GPM6A: variants seen among roughly 807,000 people sequenced by gnomAD.
GPM6A encodes glycoprotein M6A.
GPM6A carries 7 observed loss-of-function variants against 32.1 expected under a neutral mutation model. The ratio of observed to expected loss-of-function variants is 0.22; its 90% CI spans 0.12 to 0.41. GPM6A has a LOEUF of 0.41. GPM6A is among the 10% of genes least tolerant of loss of function. The pLI is 1.00. For synonymous variants in GPM6A, 130 were observed against 123.4 expected (o/e 1.05, Z -0.35); for missense variants, 235 against 347.2 (o/e 0.68, Z 2.57).
At chr4:175,691,246 A>G (rs1303192648) in intron 2 of GPM6A, among the ~76,000 whole-genome samples, 2 of 151,544 alleles carry the variant, frequency 1.3e-5, no homozygotes, top group Non-Finnish European at 3.0e-5. Context: ...GAAGGATCAA[A>G]TAGAGAAATA....
chr4:175,936,562 T>C (rs1739242692), intron 1 of GPM6A, among the ~76,000 whole-genome samples: 1 of 152,008 alleles, frequency 6.6e-6, no homozygotes, highest in Admixed American at 6.6e-5. Context: ...TATGAATTCA[T>C]AAATAAATAA....
intron 1 of GPM6A, among the ~76,000 whole-genome samples, chr4:175,842,097 G>C (rs577243456): frequency 2.6e-5 from 4 of 152,154 alleles, no homozygotes; most frequent in African/African-American, 9.6e-5. Flanking sequence ...GTGTTGCATA[G>C]ATAAAACATT....
chr4:175,779,299 C>G (rs115197226), intron 1 of GPM6A, among the ~76,000 whole-genome samples: 3,074 of 152,250 alleles, frequency 0.02, 56 homozygotes, highest in Non-Finnish European at 0.031. Context: ...TTTTAAAACT[C>G]TCATGCACGC....
rs1243772120 is a variant in GPM6A at position 175,951,757 on chromosome 4, A to T, written c.-23+50552T>A. On this transcript the variant is annotated intron_variant, in intron 1 of 7. Transcript: ENST00000280187. ...TTATATTACCTGGGTAGTTAATGGT[A>T]TTGGTTAATGCGGAGCGTGTTTGTG... Among the ~76,000 whole-genome samples the T allele has an allele frequency of 2.0e-5, 3 of 152,328 alleles. No homozygotes were observed. In the East Asian group the frequency reaches 5.8e-4, roughly 29 times the overall value.
At chr4:175,852,506 G>A (rs1006861640) in intron 1 of GPM6A, among the ~76,000 whole-genome samples, 7 of 152,040 alleles carry the variant, frequency 4.6e-5, no homozygotes, top group Non-Finnish European at 1.0e-4. Flanking sequence ...ATTGGAGAGG[G>A]CAAAGAAAAA....
intron 1 of GPM6A, among the ~76,000 whole-genome samples, chr4:175,930,651 G>A (rs530544830): frequency 6.6e-6 from 1 of 151,946 alleles, no homozygotes; most frequent in East Asian, 1.9e-4. Context: ...AATTCTTAAG[G>A]ATAAAAGCTA....
At position 175,637,315 on chromosome 4, in the gene GPM6A, A is replaced by G. The variant is rs866720768; in HGVS notation, c.685-2258T>C. Among the ~76,000 whole-genome samples, 104 of 37,794 alleles carry G rather than the reference A, an allele frequency of 2.8e-3. 4 individuals are homozygous for G. In the Middle Eastern group the frequency reaches 0.052, roughly 19 times the overall value. 24.8% of individuals were successfully genotyped at this position (37,794 alleles called of 152,430 possible). A position where few individuals can be genotyped will look rare whatever the true frequency, so the allele number is the denominator to read the frequency against. ...ATATATATTATATATTATATATAATATAAAATATATATTATATATTATATA... is the reference window on the plus strand; with the variant it reads ...ATATATATTATATATTATATATAATGTAAAATATATATTATATATTATATA... On this transcript the variant is annotated intron_variant, in intron 6 of 6. Coordinates refer to ENST00000393658, the MANE Select transcript of GPM6A (RefSeq NM_201591.3).
intron 1 of GPM6A, among the ~76,000 whole-genome samples, chr4:175,793,489 G>C: frequency 6.6e-6 from 1 of 152,086 alleles, no homozygotes; most frequent in East Asian, 1.9e-4. Context: ...TGATTCTCCT[G>C]CCTCGGCCTC....
intron 1 of GPM6A, among the ~76,000 whole-genome samples, chr4:175,742,728 G>A (rs915357099): frequency 6.6e-6 from 1 of 152,134 alleles, no homozygotes; most frequent in Non-Finnish European, 1.5e-5. Context: ...GAGCAGAAGT[G>A]ATTTCGAAGA....
intron 2 of GPM6A, among the ~76,000 whole-genome samples, chr4:175,675,069 A>G (rs1743291077): frequency 6.6e-6 from 1 of 152,094 alleles, no homozygotes; most frequent in African/African-American, 2.4e-5. Flanking sequence ...ATTCAATAAC[A>G]TTAAGAACAA....
chr4:175,780,470 G>A (rs775807193), intron 1 of GPM6A, among the ~76,000 whole-genome samples: 9 of 152,232 alleles, frequency 5.9e-5, no homozygotes, highest in Non-Finnish European at 1.2e-4. Context: ...GCTTGGCACA[G>A]AGTAGACACT....
At chr4:175,812,550 G>A, upstream of GPM6A, 2 of 1,058,136 alleles carry the variant, frequency 1.9e-6, no homozygotes, top group Non-Finnish European at 2.3e-6. Context: ...AATTTTGGGG[G>A]GAAATTTGGT....
chr4:175,943,908 G>A (rs1262382036), intron 1 of GPM6A, among the ~76,000 whole-genome samples: 1 of 152,152 alleles, frequency 6.6e-6, no homozygotes, highest in East Asian at 1.9e-4. Flanking sequence ...ATGAGTTAGA[G>A]AGGAGTCCCT....
intron 1 of GPM6A, among the ~76,000 whole-genome samples, chr4:175,738,857 C>A (rs1731767641): frequency 6.6e-6 from 1 of 152,126 alleles, no homozygotes; most frequent in Non-Finnish European, 1.5e-5. Context: ...TCCCTACACA[C>A]CATCTGCTAT....
intron 1 of GPM6A, among the ~76,000 whole-genome samples, chr4:175,724,460 G>A (rs1435925122): frequency 2.6e-5 from 4 of 152,086 alleles, no homozygotes; most frequent in East Asian, 3.9e-4. Flanking sequence ...GGGGGGAATC[G>A]CTTGAACCCA....
chr4:175,871,733 G>T (rs1217736864), intron 1 of GPM6A, among the ~76,000 whole-genome samples: 1 of 152,126 alleles, frequency 6.6e-6, no homozygotes, highest in Non-Finnish European at 1.5e-5. Flanking sequence ...GCCTATTTCA[G>T]AGTCTTTGTG....
chr4:175,800,260 T>C (rs1330846982), intron 1 of GPM6A, among the ~76,000 whole-genome samples: 1 of 152,154 alleles, frequency 6.6e-6, no homozygotes, highest in African/African-American at 2.4e-5. Context: ...ATATACAAAA[T>C]ATAAAAAACC....
At chr4:175,950,322 T>G (rs1343243874) in intron 1 of GPM6A, among the ~76,000 whole-genome samples, 1 of 152,190 alleles carries the variant, frequency 6.6e-6, no homozygotes, top group Non-Finnish European at 1.5e-5. Flanking sequence ...TTTACATTAT[T>G]TTAATGGCTT....
chr4:175,769,835 G>C (rs1733116456), intron 1 of GPM6A, among the ~76,000 whole-genome samples: 1 of 152,126 alleles, frequency 6.6e-6, no homozygotes, highest in South Asian at 2.1e-4. Flanking sequence ...TTAAAACATG[G>C]AATAAAGTTA....
Sources: gnomAD v4.1 joint callset for allele counts (sites outside exome capture counted in the v4.1 genomes callset) on GRCh38, gnomAD v4.1.1 for gene constraint, MANE v1.5 for transcripts, NCBI Gene and HGNC (gene_info 2026-07-23, HGNC 2026-07-21) for gene names.